The following RFX7 variants were observed in gnomAD, a reference collection of about 807,000 sequenced individuals.
RFX7 encodes the protein DNA-binding protein RFX7.
RFX7 carries 26 observed loss-of-function variants against 111.8 expected under a neutral mutation model. The ratio of observed to expected loss-of-function variants is 0.23; its 90% CI spans 0.17 to 0.32. The LOEUF is 0.32. Ranked by LOEUF, RFX7 falls within the 10% of genes least tolerant of loss-of-function variation. The probability of loss-of-function intolerance (pLI) is 1.00; values close to 1 mark genes in which losing one functional copy is unlikely to be tolerated. For synonymous variants in RFX7, 624 were observed against 624.4 expected, an observed-to-expected ratio of 1.00 and a Z score of 0.01; for missense variants, 1,573 against 1,772.9, an observed-to-expected ratio of 0.89 and a Z score of 2.02.
intron 5 of RFX7, among the ~76,000 whole-genome samples, chr15:56,109,971 T>G: frequency 8.9e-6 from 1 of 112,760 alleles, no homozygotes; most frequent in African/African-American, 3.5e-5. Flanking sequence ...GGTGGGGGGA[T>G]CAGCCCCCTG....
chr15:56,240,613 G>A (rs1335070886), intron 2 of RFX7, among the ~76,000 whole-genome samples: 1 of 152,100 alleles, frequency 6.6e-6, no homozygotes, highest in Non-Finnish European at 1.5e-5. Flanking sequence ...TTTGTGATAT[G>A]CAAGCCCAGT....
intron 5 of RFX7, among the ~76,000 whole-genome samples, chr15:56,112,826 C>T (rs1223314216): frequency 1.3e-5 from 2 of 152,084 alleles, no homozygotes; most frequent in South Asian, 2.1e-4. Flanking sequence ...ACAACCCCAT[C>T]AAAAAGTGGG....
intron 2 of RFX7, among the ~76,000 whole-genome samples, chr15:56,191,485 C>G (rs1315957294): frequency 6.6e-6 from 1 of 152,118 alleles, no homozygotes; most frequent in African/African-American, 2.4e-5. Context: ...AATAAACCAC[C>G]AATGCACATC....
At chr15:56,099,507 A>T (rs537259018) in intron 8 of RFX7, among the ~76,000 whole-genome samples, 1 of 152,110 alleles carries the variant, frequency 6.6e-6, no homozygotes, top group African/African-American at 2.4e-5. Flanking sequence ...GCCTCTGCCA[A>T]TGGCTCATAG....
At chr15:56,108,927 A>G (rs1194658616) in intron 5 of RFX7, among the ~76,000 whole-genome samples, 9 of 152,212 alleles carry the variant, frequency 5.9e-5, no homozygotes, top group African/African-American at 1.9e-4. Context: ...CAAATCATGA[A>G]TGAACTCCCA....
chr15:56,169,586 T>C (rs1469668072), intron 3 of RFX7, among the ~76,000 whole-genome samples: 1 of 152,094 alleles, frequency 6.6e-6, no homozygotes, highest in Non-Finnish European at 1.5e-5. Context: ...CCCACCTAAG[T>C]TAGGTTAGAA....
At chr15:56,203,964 T>G (rs1177792517) in intron 2 of RFX7, among the ~76,000 whole-genome samples, 8 of 152,030 alleles carry the variant, frequency 5.3e-5, no homozygotes, top group African/African-American at 1.9e-4. Context: ...TTCTTGCATT[T>G]AATCCAATAA....
chr15:56,123,263 C>T (rs1353593175), intron 5 of RFX7, among the ~76,000 whole-genome samples: 1 of 152,126 alleles, frequency 6.6e-6, no homozygotes, highest in Non-Finnish European at 1.5e-5. Flanking sequence ...GGCCCAAAGG[C>T]TCTTTAGTCA....
At chr15:56,239,073 A>T (rs1596031035) in intron 2 of RFX7, among the ~76,000 whole-genome samples, 1 of 152,012 alleles carries the variant, frequency 6.6e-6, no homozygotes, top group East Asian at 1.9e-4. Flanking sequence ...AACTCAGGCA[A>T]TCTGCCCACC....
intron 5 of RFX7, among the ~76,000 whole-genome samples, chr15:56,120,108 T>C (rs1314282901): frequency 3.0e-4 from 45 of 152,338 alleles, no homozygotes; most frequent in Non-Finnish European, 7.3e-5. Flanking sequence ...AGTATAATTA[T>C]TTTAATAATG....
At chr15:56,110,357 C>G (rs1172582251) in intron 5 of RFX7, among the ~76,000 whole-genome samples, 1 of 103,970 alleles carries the variant, frequency 9.6e-6, no homozygotes, top group Non-Finnish European at 2.0e-5. Context: ...GCCGCCTCGT[C>G]CGGGAGGGAG....
intron 2 of RFX7, among the ~76,000 whole-genome samples, chr15:56,202,855 A>C (rs2043206934): frequency 6.6e-6 from 1 of 152,212 alleles, no homozygotes. Context: ...AGAGGTGAGC[A>C]TACAGAGACA....
At chr15:56,130,513 C>T (rs1223247368) in intron 5 of RFX7, among the ~76,000 whole-genome samples, 2 of 151,812 alleles carry the variant, frequency 1.3e-5, no homozygotes, top group African/African-American at 4.8e-5. Context: ...ATTATAACAA[C>T]TCATATGCAT....
At chr15:56,178,205 AC>A (rs2042925152) in intron 3 of RFX7, among the ~76,000 whole-genome samples, 3 of 144,570 alleles carry the variant, frequency 2.1e-5, no homozygotes, top group South Asian at 4.6e-4. Flanking sequence ...ACACACACAC[AC>A]ACACAACAAA....
rs2041663243 is a variant in RFX7 at position 56,095,593 on chromosome 15, G to A, written c.2135C>T (p.Ala712Val). The change falls in exon 10 of 10, where the codon GCT becomes GTT. Residue 712 changes from alanine to valine, a missense_variant. Around this residue, in one of 7 missense-constraint regions of RFX7, gnomAD observed 625 missense variants for 632.2 expected, o/e 0.99. Transcript: ENST00000559447. ...TACTGATACCTTGCTAGGAATCTGA[G>A]CACCTGCTGTTGAACCTTCTGTTTT... ...SGKTEGSTAG[A>V]QIPSKVSVNV... The A allele has an allele frequency of 1.9e-6, 3 of 1,613,952 alleles. No individual in the cohort carries two copies. In the East Asian group the frequency reaches 6.7e-5, roughly 36 times the overall value.
chr15:56,149,105 A>C (rs573927202), intron 3 of RFX7, among the ~76,000 whole-genome samples: 2 of 148,988 alleles, frequency 1.3e-5, no homozygotes, highest in Admixed American at 1.3e-4. Flanking sequence ...AAAAAAAATC[A>C]ATGTGTCACC....
At chr15:56,129,262 C>T in intron 5 of RFX7, among the ~76,000 whole-genome samples, 1 of 151,596 alleles carries the variant, frequency 6.6e-6, no homozygotes. Flanking sequence ...GTAGTCCCAG[C>T]AACTGGGGAG....
intron 5 of RFX7, among the ~76,000 whole-genome samples, chr15:56,109,956 A>G: frequency 7.0e-6 from 1 of 142,544 alleles, no homozygotes; most frequent in Non-Finnish European, 1.5e-5. Flanking sequence ...CCCATCCGGG[A>G]GGGAGGTGGG....
chr15:56,224,467 T>TTA (rs1555426682), intron 2 of RFX7, among the ~76,000 whole-genome samples: 2 of 147,204 alleles, frequency 1.4e-5, no homozygotes, highest in African/African-American at 5.0e-5. Context: ...GATTAGGATT[T>TTA]TGTGTGTGTG....
Sources: gnomAD v4.1 joint callset for allele counts (sites outside exome capture counted in the v4.1 genomes callset) on GRCh38, gnomAD v4.1.1 for gene constraint, gnomAD v4.1.1 regional missense constraint, MANE v1.5 for transcripts, NCBI Gene and HGNC (gene_info 2026-07-23, HGNC 2026-07-21) for gene names.